Variants in EXD1 observed in about 807,000 individuals in gnomAD.
EXD1 encodes the protein exonuclease 3'-5' domain containing 1, also known as piRNA biogenesis protein EXD1.
Under a neutral mutation model 49.1 loss-of-function variants are expected in EXD1, and 63 were observed. That is an observed-to-expected ratio of 1.28 (90% CI 1.05 to 1.58). The LOEUF is 1.58. Among genes scored for constraint, EXD1 ranks in the 40% most tolerant of loss-of-function variants. The probability of loss-of-function intolerance (pLI) is 0.00; values close to 1 mark genes in which losing one functional copy is unlikely to be tolerated. For synonymous variants in EXD1, 234 were observed against 239.2 expected, an observed-to-expected ratio of 0.98 and a Z score of 0.20; for missense variants, 748 against 666.0, an observed-to-expected ratio of 1.12 and a Z score of -1.36.
intron 2 of EXD1, among the ~76,000 whole-genome samples, chr15:41,220,449 G>A (rs1345150076): frequency 6.6e-6 from 1 of 152,038 alleles, no homozygotes; most frequent in Non-Finnish European, 1.5e-5. Flanking sequence ...TAGTAGAGAC[G>A]GGGTTTCACC....
intron 6 of EXD1, among the ~76,000 whole-genome samples, chr15:41,211,946 T>C (rs1323508952): frequency 6.6e-6 from 1 of 150,378 alleles, no homozygotes. Context: ...CCTGGGCTAC[T>C]AAGCGAGACT....
At position 41,183,803 on chromosome 15, in the gene EXD1, G is replaced by T; in HGVS notation, c.*128C>A. ...ACCAGGAACACAGGAGTAAGCAAGA[G>T]GATATAATTTTCCCCTGTGACTGAA... On this transcript the variant is annotated 3_prime_UTR_variant, in exon 12 of 12. Transcript: ENST00000458580. 4.9e-6 allele frequency: 4 copies of T among 817,334 alleles called. No individual in the cohort carries two copies. The highest frequency in any genetic ancestry group is 5.7e-6 in the Non-Finnish European group (3 of 527,532). 50.6% of individuals were successfully genotyped at this position (817,334 alleles called of 1,614,324 possible).
intron 7 of EXD1, among the ~76,000 whole-genome samples, chr15:41,207,422 C>T (rs1455879775): frequency 2.6e-5 from 4 of 152,092 alleles, no homozygotes; most frequent in East Asian, 1.9e-4. Context: ...CCTGTAATCT[C>T]GGCTACTCGG....
chr15:41,199,335 G>A (rs1032330295), intron 7 of EXD1, among the ~76,000 whole-genome samples: 10 of 150,710 alleles, frequency 6.6e-5, no homozygotes, highest in East Asian at 3.9e-4. Flanking sequence ...TGATCCACCC[G>A]TCTCAGCCTC....
intron 2 of EXD1, among the ~76,000 whole-genome samples, chr15:41,223,479 G>C (rs1271386370): frequency 6.6e-6 from 1 of 151,628 alleles, no homozygotes; most frequent in Non-Finnish European, 1.5e-5. Flanking sequence ...CCAGCACTTT[G>C]GGAGGCTGAG....
intron 9 of EXD1, among the ~76,000 whole-genome samples, chr15:41,192,594 ATTTTTTTTTTTTTTTTTTT>A (rs59054803): frequency 4.4e-4 from 18 of 40,836 alleles, no homozygotes; most frequent in East Asian, 8.9e-4. Context: ...TGCGCCAGGC[ATTTTTTTTTTTTTTTTTTT>A]TTTTTTTTTT....
chr15:41,209,496 T>C lies in EXD1; in HGVS notation c.534+5A>G, dbSNP rs759341416. ...CAAAATAAAAAGTTTTCAAAAATCT[T>C]TCACCTGCAGCCAGCACAGTTTGCC... On this transcript the variant is annotated splice_donor_5th_base_variant and intron_variant, in intron 7 of 11. Coordinates refer to ENST00000458580, the MANE Select transcript of EXD1 (RefSeq NM_001286441.2). 6.2e-7 allele frequency: 1 copy of C among 1,610,934 alleles called. No homozygotes were observed. The highest frequency in any genetic ancestry group is 8.5e-7 in the Non-Finnish European group (1 of 1,179,364).
At chr15:41,184,732 G>T (rs2046381682) in intron 11 of EXD1, 139 bp from the exon 12 acceptor site, 1 of 855,364 alleles carries the variant, frequency 1.2e-6, no homozygotes. Context: ...TCGGCTCACT[G>T]CAAGCTCTGC....
chr15:41,215,875 G>A (rs1378398741), intron 5 of EXD1, 42 bp from the exon 6 acceptor site: 7 of 1,588,268 alleles, frequency 4.4e-6, no homozygotes, highest in East Asian at 2.2e-5. Flanking sequence ...CTCTTCCTCA[G>A]CAACAGAATA....
intron 7 of EXD1, among the ~76,000 whole-genome samples, chr15:41,200,508 A>G (rs940621401): frequency 6.6e-6 from 1 of 152,184 alleles, no homozygotes; most frequent in African/African-American, 2.4e-5. Flanking sequence ...TGAGCAAGAA[A>G]GAGCAAGACT....
chr15:41,208,392 A>G (rs2046867987), intron 7 of EXD1, among the ~76,000 whole-genome samples: 1 of 140,724 alleles, frequency 7.1e-6, no homozygotes, highest in Non-Finnish European at 1.5e-5. Context: ...AAAAAAAAAA[A>G]AGTAAAGGAA....
chr15:41,184,056 C>T lies in EXD1; in HGVS notation c.1594G>A (p.Glu532Lys). 6.2e-7 allele frequency: 1 copy of T among 1,614,166 alleles called. No individual in the cohort carries two copies. The highest frequency in any genetic ancestry group is 8.5e-7 in the Non-Finnish European group (1 of 1,180,036). Residue 532 changes from glutamate (E) to lysine (K), a missense_variant, in exon 12 of 12, where the codon GAA (glutamate) becomes AAA (lysine). By Grantham distance (56) the Glu-to-Lys change is moderately conservative. Transcript: ENST00000458580. ...QAVSMSSFPQ[E>K]TRVSPSDTFY... The stretch of plus-strand genomic sequence containing the variant: ...GTGTCACTTGGAGACACTCTGGTTT[C>T]CTGAGGAAAGGAAGACATTGAAACA...
chr15:41,191,249 C>CT (rs1005397642), intron 10 of EXD1, among the ~76,000 whole-genome samples, 193 bp downstream of exon 10: 5 of 151,990 alleles, frequency 3.3e-5, no homozygotes, highest in African/African-American at 1.2e-4. Flanking sequence ...TAATTAATAG[C>CT]TAACAAATCT....
At chr15:41,213,665 A>G (rs1476896459) in intron 6 of EXD1, among the ~76,000 whole-genome samples, 1 of 151,922 alleles carries the variant, frequency 6.6e-6, no homozygotes, top group Non-Finnish European at 1.5e-5. Flanking sequence ...CACCTGGCTA[A>G]TTTTTGTATT....
chr15:41,189,885 C>G, intron 11 of EXD1, 52 bp downstream of exon 11: 1 of 1,572,420 alleles, frequency 6.4e-7, no homozygotes, highest in Non-Finnish European at 8.7e-7. Context: ...ACTGTGTCTG[C>G]CTTCCTTGAG....
chr15:41,185,386 C>A (rs1377848168), intron 11 of EXD1, among the ~76,000 whole-genome samples: 3 of 151,878 alleles, frequency 2.0e-5, no homozygotes, highest in Admixed American at 2.0e-4. Flanking sequence ...TGCTCTGTTG[C>A]CTTGGCTGGA....
In EXD1 at chr15:41,184,535, C is replaced by T. The variant is rs186855358; in HGVS notation, c.1115G>A (p.Arg372His). ...ATATTCTCTTGCAGCTTTCTCCCTGCGCTGCTTCTGGAAGTCCTTGAGTTG... is the reference window on the plus strand; with the variant it reads ...ATATTCTCTTGCAGCTTTCTCCCTGTGCTGCTTCTGGAAGTCCTTGAGTTG... ...LLQLKDFQKQ[R>H]REKAAREYRV... Residue 372 changes from arginine (R) to histidine (H), a missense_variant, in exon 12 of 12, where the codon CGC becomes CAC. Transcript: ENST00000458580. 23 of 1,611,636 alleles carry T rather than the reference C, an allele frequency of 1.4e-5. No individual in the cohort carries two copies. Among genetic ancestry groups the T allele is most frequent in the African/African-American group, 5.3e-5 (4 of 74,908 alleles).
chr15:41,199,697 T>C (rs1055082784), intron 7 of EXD1, among the ~76,000 whole-genome samples: 2 of 38,734 alleles, frequency 5.2e-5, no homozygotes, highest in African/African-American at 7.0e-5. Context: ...ATGAGATATA[T>C]TACATATATC....
intron 7 of EXD1, among the ~76,000 whole-genome samples, chr15:41,205,447 C>G (rs926558018): frequency 6.6e-6 from 1 of 152,002 alleles, no homozygotes; most frequent in Admixed American, 6.6e-5. Context: ...TGTATGGCAT[C>G]CTTAAAGATA....
Sources: gnomAD v4.1 joint callset for allele counts (sites outside exome capture counted in the v4.1 genomes callset) on GRCh38, gnomAD v4.1.1 for gene constraint, MANE v1.5 for transcripts, NCBI Gene and HGNC (gene_info 2026-07-23, HGNC 2026-07-21) for gene names.